CD8A: variants seen among roughly 807,000 people sequenced by gnomAD.
The protein encoded by CD8A is T-cell surface glycoprotein CD8 alpha chain.
Under a neutral mutation model 24.2 loss-of-function variants are expected in CD8A, and 25 were observed. That is an observed-to-expected ratio of 1.03 (90% CI 0.75 to 1.44). CD8A has a LOEUF of 1.44. Ranked by LOEUF, CD8A falls within the 40% of genes most tolerant of loss-of-function variation. CD8A has a pLI of 0.00. For missense variants in CD8A, 360 were observed against 319.7 expected (o/e 1.13, Z -0.96); for synonymous variants, 165 against 149.9 (o/e 1.10, Z -0.74).
In CD8A at chr2:86,805,941, CTTTCTT is replaced by C. The variant is rs144436714; in HGVS notation, c.-418+1500_-418+1505del. Among the ~76,000 whole-genome samples, 1,448 of 151,698 alleles carry C rather than the reference CTTTCTT, an allele frequency of 9.5e-3. 25 individuals are homozygous for C. The highest frequency in any genetic ancestry group is 0.033 in the African/African-American group (1,375 of 41,208). ...TCTTTTTCTTTCTTTCTCTCTCTCT[CTTTCTT>C]TTTCTTTTTCTCTTGTTGTGACAAT... On this transcript the variant is annotated intron_variant, in intron 2 of 8. Coordinates refer to the CD8A transcript ENST00000409511.
At chr2:86,791,405 C>T, upstream of CD8A, 1 of 418,962 alleles carries the variant, frequency 2.4e-6, no homozygotes, top group South Asian at 1.7e-5. Flanking sequence ...TCTCCCTTCC[C>T]CCAGGAGATT....
exon 2 of CD8A, chr2:86,807,507 G>A (rs1029895526): frequency 1.3e-5 from 2 of 152,452 alleles, no homozygotes; most frequent in African/African-American, 2.4e-5. Context: ...GCTATGTGAA[G>A]CTGGCGTATG....
chr2:86,801,316 C>T lies in CD8A; in HGVS notation c.-271+195G>A, dbSNP rs182577372. ...CTTCCTTCCTTCCTTCCCTCCTTCCCGCTCTCTTTCTCTCTCTCTTTTTCC... is the reference window on the plus strand; with the variant it reads ...CTTCCTTCCTTCCTTCCCTCCTTCCTGCTCTCTTTCTCTCTCTCTTTTTCC... On this transcript the variant is annotated intron_variant, in intron 3 of 8. Transcript: ENST00000409511. Among the ~76,000 whole-genome samples the T allele has an allele frequency of 1.7e-4, 26 of 151,822 alleles. No homozygotes were observed. In the East Asian group the frequency reaches 3.7e-3, roughly 22 times the overall value.
At position 86,785,598 on chromosome 2, in the gene CD8A, T is replaced by A. The variant is rs1332780746; in HGVS notation, c.*322A>T. The A allele has an allele frequency of 1.8e-6, 1 of 569,352 alleles. No individual in the cohort carries two copies. Among genetic ancestry groups the A allele is most frequent in the Non-Finnish European group, 3.3e-6 (1 of 301,286 alleles). The allele number at this position is 569,352 out of a possible 1,614,324, so 35.3% of individuals were successfully genotyped here. On this transcript the variant is annotated 3_prime_UTR_variant, in exon 6 of 6. Transcript: ENST00000283635. ...CTTTGTAAAACGGGCGGGGAAGAGG[T>A]TGAGATGGCATGGGTGCCTCCAGCT...
At chr2:86,800,906 C>T (rs889219163) in intron 3 of CD8A, among the ~76,000 whole-genome samples, 3 of 152,150 alleles carry the variant, frequency 2.0e-5, no homozygotes, top group Non-Finnish European at 4.4e-5. Flanking sequence ...AGGATGGGTC[C>T]TAATCCAATA....
rs1673270671 is a variant in CD8A at position 86,790,846 on chromosome 2, G to A, written c.-21C>T. Reference sequence around the variant, plus strand: ...GCCATGACGCGCTCCCCAGGACGCTGCTTGGCTCGAAGCTCGGGCGCGAGG... The same window carrying A: ...GCCATGACGCGCTCCCCAGGACGCTACTTGGCTCGAAGCTCGGGCGCGAGG... On this transcript the variant is annotated 5_prime_UTR_variant, in exon 1 of 6. Transcript: ENST00000283635. 5 of 1,538,688 alleles carry A rather than the reference G, an allele frequency of 3.2e-6. No individual in the cohort carries two copies. The South Asian group carries it at 5.9e-5, about 18-fold the overall frequency.
chr2:86,788,043 T>A (rs1484548466), intron 5 of CD8A, among the ~76,000 whole-genome samples: 1 of 151,970 alleles, frequency 6.6e-6, no homozygotes, highest in East Asian at 1.9e-4. Context: ...AGGTCCTACA[T>A]GACACAGAGA....
chr2:86,804,794 CTTTTTTTTT>C (rs70958908), intron 2 of CD8A, among the ~76,000 whole-genome samples: 2 of 94,032 alleles, frequency 2.1e-5, no homozygotes. Flanking sequence ...CTTGCTAAAT[CTTTTTTTTT>C]TTTTTTTTTT....
At chr2:86,799,126 G>A (rs984417967) in intron 3 of CD8A, among the ~76,000 whole-genome samples, 1 of 152,074 alleles carries the variant, frequency 6.6e-6, no homozygotes, top group Non-Finnish European at 1.5e-5. Flanking sequence ...GCTGTCCTTG[G>A]GGATACACAT....
At chr2:86,798,239 G>A (rs1298393003) in intron 3 of CD8A, among the ~76,000 whole-genome samples, 2 of 151,094 alleles carry the variant, frequency 1.3e-5, no homozygotes, top group African/African-American at 2.4e-5. Context: ...GCAATGGCAC[G>A]ATGTTGGCTC....
intron 2 of CD8A, among the ~76,000 whole-genome samples, chr2:86,801,863 G>C (rs1673684935): frequency 6.6e-6 from 1 of 151,568 alleles, no homozygotes; most frequent in African/African-American, 2.4e-5. Flanking sequence ...TAATTAATTG[G>C]ACCACAAAAT....
At chr2:86,786,070 G>A in intron 5 of CD8A, 99 bp from the exon 6 acceptor site, 1 of 961,520 alleles carries the variant, frequency 1.0e-6, no homozygotes, top group Non-Finnish European at 1.7e-6. Flanking sequence ...CCTTTGAAAG[G>A]TCTGAGAACC....
At chr2:86,788,865 G>A (rs968067052) in intron 4 of CD8A, among the ~76,000 whole-genome samples, 1 of 152,164 alleles carries the variant, frequency 6.6e-6, no homozygotes, top group Admixed American at 6.5e-5. Flanking sequence ...GGGCGAAAGC[G>A]GGGAGCCTGC....
chr2:86,789,483 A>G, intron 3 of CD8A, 50 bp from the exon 4 acceptor site: 3 of 1,463,282 alleles, frequency 2.1e-6, no homozygotes, highest in Non-Finnish European at 2.9e-6. Flanking sequence ...GGGACCTCCC[A>G]ACCGCCCCAC....
chr2:86,786,763 A>G (rs183142263), intron 5 of CD8A, among the ~76,000 whole-genome samples: 157 of 152,250 alleles, frequency 1.0e-3, no homozygotes, highest in African/African-American at 3.2e-3. Context: ...GCTCACGCCT[A>G]TAATCCCAGC....
rs1161768153 is a variant in CD8A, at chr2:86,786,843, A to C, written c.657-872T>G. On this transcript the variant is annotated intron_variant, in intron 5 of 5. Transcript: ENST00000283635. Reference sequence around the variant, plus strand: ...AGACCATCCTGGCTAACACGGTGAAACCCCGTCTCTACTAAAAATACAAAA... The same window carrying C: ...AGACCATCCTGGCTAACACGGTGAACCCCCGTCTCTACTAAAAATACAAAA... Among the ~76,000 whole-genome samples, 21 of 151,424 alleles carry C rather than the reference A, an allele frequency of 1.4e-4. No homozygotes were observed. In the East Asian group the frequency reaches 3.8e-3, roughly 27 times the overall value.
At chr2:86,788,585 A>G (rs1558734481) in intron 4 of CD8A, 25 bp from the exon 5 acceptor site, 3 of 1,607,178 alleles carry the variant, frequency 1.9e-6, no homozygotes, top group Admixed American at 1.7e-5. Flanking sequence ...AGAAGGGAAA[A>G]AGTGAGTGCC....
intron 3 of CD8A, among the ~76,000 whole-genome samples, chr2:86,800,610 T>C (rs1673640229): frequency 6.6e-6 from 1 of 152,216 alleles, no homozygotes. Context: ...AATGATGTCA[T>C]TGATGGCTAC....
chr2:86,801,077 C>T (rs1558739742), intron 3 of CD8A, among the ~76,000 whole-genome samples: 1 of 152,288 alleles, frequency 6.6e-6, no homozygotes, highest in East Asian at 1.9e-4. Context: ...CAAATTCCTT[C>T]TGTAGCCCTC....
Sources: gnomAD v4.1 joint callset for allele counts (sites outside exome capture counted in the v4.1 genomes callset) on GRCh38, gnomAD v4.1.1 for gene constraint, MANE v1.5 for transcripts, NCBI Gene and HGNC (gene_info 2026-07-23, HGNC 2026-07-21) for gene names.